The following LYRM4 variants were observed in gnomAD, a reference collection of about 807,000 sequenced individuals.
LYRM4 encodes the protein LYR motif-containing protein 4.
Under a neutral mutation model 11.7 loss-of-function variants are expected in LYRM4, and 9 were observed. The ratio of observed to expected loss-of-function variants is 0.77; its 90% CI spans 0.46 to 1.34. LYRM4 has a LOEUF of 1.34. Ranked by LOEUF, LYRM4 falls within the 40% of genes most tolerant of loss-of-function variation. The pLI is 0.00. For synonymous variants in LYRM4, 42 were observed against 40.4 expected (o/e 1.04, Z -0.15); for missense variants, 133 against 112.5 (o/e 1.18, Z -0.82).
chr6:5,068,482 C>T, the LYRM4 span, among the ~76,000 whole-genome samples: 2 of 152,140 alleles, frequency 1.3e-5, no homozygotes, highest in African/African-American at 2.4e-5. The surrounding 1 kb of genome is among the most constrained non-coding windows in gnomAD (Gnocchi z 4.0). Context: ...TGTGATGGTC[C>T]GGAAGAAAAC....
the LYRM4 span, among the ~76,000 whole-genome samples, chr6:5,052,583 C>A: frequency 6.6e-6 from 1 of 152,120 alleles, no homozygotes; most frequent in Non-Finnish European, 1.5e-5. Context: ...CAGGTGTAAG[C>A]CATCATGTCT....
intron 2 of LYRM4, among the ~76,000 whole-genome samples, chr6:5,117,427 C>T (rs185171007): frequency 9.7e-4 from 147 of 152,064 alleles, no homozygotes; most frequent in African/African-American, 3.2e-3. Context: ...TGATGGTGTG[C>T]GCCTGTAATC....
intron 2 of LYRM4, among the ~76,000 whole-genome samples, chr6:5,114,317 G>A (rs1422616328): frequency 6.6e-6 from 1 of 152,196 alleles, no homozygotes; most frequent in African/African-American, 2.4e-5. Flanking sequence ...AGCTCTGGAC[G>A]CCTTATTGCC....
At chr6:5,122,025 T>A (rs1366694572) in intron 2 of LYRM4, among the ~76,000 whole-genome samples, 1 of 152,194 alleles carries the variant, frequency 6.6e-6, no homozygotes, top group Non-Finnish European at 1.5e-5. Flanking sequence ...GGACACCTTT[T>A]TTCAAAGTCG....
chr6:5,240,257 C>T (rs867629633), intron 1 of LYRM4, among the ~76,000 whole-genome samples: 4 of 152,098 alleles, frequency 2.6e-5, no homozygotes, highest in African/African-American at 9.7e-5. Context: ...CCTTTCTCTT[C>T]ATTTTTTCTG....
At chr6:5,195,817 T>G (rs762963387) in intron 2 of LYRM4, among the ~76,000 whole-genome samples, 1 of 152,122 alleles carries the variant, frequency 6.6e-6, no homozygotes, top group Non-Finnish European at 1.5e-5. Context: ...CTAACACAGA[T>G]TGTAAGCTGC....
chr6:5,100,015 C>G (rs1418683220), downstream of LYRM4, among the ~76,000 whole-genome samples: 1 of 152,184 alleles, frequency 6.6e-6, no homozygotes, highest in Non-Finnish European at 1.5e-5. Context: ...AATGTCTGGA[C>G]CAGAGGCCAG....
chr6:5,123,144 G>T (rs913499676), intron 2 of LYRM4, among the ~76,000 whole-genome samples: 1 of 152,304 alleles, frequency 6.6e-6, no homozygotes, highest in East Asian at 1.9e-4. Context: ...GAAAAACATC[G>T]CCTTGAGCCA....
At chr6:5,174,860 T>G (rs1759630387) in intron 2 of LYRM4, among the ~76,000 whole-genome samples, 2 of 152,288 alleles carry the variant, frequency 1.3e-5, no homozygotes, top group East Asian at 1.9e-4. Context: ...TAAGCAAGGC[T>G]TAACGTCAAA....
At chr6:5,145,743 C>A (rs986457507) in intron 2 of LYRM4, among the ~76,000 whole-genome samples, 1 of 152,272 alleles carries the variant, frequency 6.6e-6, no homozygotes, top group South Asian at 2.1e-4. Context: ...CTTTAATATA[C>A]GCCCACTTCA....
At chr6:5,157,566 A>ACAT (rs1407744442) in intron 2 of LYRM4, among the ~76,000 whole-genome samples, 1 of 152,068 alleles carries the variant, frequency 6.6e-6, no homozygotes, top group Admixed American at 6.5e-5. Context: ...TGCCTTAATG[A>ACAT]CAGAAGGAAT....
chr6:5,191,667 G>A (rs941786913), intron 2 of LYRM4, among the ~76,000 whole-genome samples: 5 of 152,174 alleles, frequency 3.3e-5, no homozygotes, highest in African/African-American at 4.8e-5. Flanking sequence ...AACCACTAAT[G>A]TAACAACTGA....
chr6:5,194,277 A>G (rs1165134649), intron 2 of LYRM4, among the ~76,000 whole-genome samples: 1 of 152,194 alleles, frequency 6.6e-6, no homozygotes, highest in East Asian at 1.9e-4. Context: ...AATCTTGTTG[A>G]AGGATACATA....
At chr6:5,179,958 G>T (rs1236178642) in intron 2 of LYRM4, among the ~76,000 whole-genome samples, 1 of 152,194 alleles carries the variant, frequency 6.6e-6, no homozygotes, top group Non-Finnish European at 1.5e-5. Context: ...AAGTATGGCA[G>T]ATAGAATCTT....
At chr6:5,174,779 A>C (rs563326686) in intron 2 of LYRM4, among the ~76,000 whole-genome samples, 1 of 152,182 alleles carries the variant, frequency 6.6e-6, no homozygotes, top group Non-Finnish European at 1.5e-5. Context: ...CTCTCTTTTG[A>C]ACAGATGTTG....
chr6:5,254,374 G>A lies in LYRM4; in HGVS notation c.86+6274C>T, dbSNP rs112785974. Among the ~76,000 whole-genome samples the A allele has an allele frequency of 4.7e-3, 717 of 152,288 alleles. 2 individuals carry two copies. Among genetic ancestry groups the A allele is most frequent in the African/African-American group, 0.015 (641 of 41,552 alleles). On this transcript the variant is annotated intron_variant, in intron 1 of 2. Transcript: ENST00000330636. ...GCTTTCCAAGAGTTTGTAGAATCCC[G>A]AAGCACGGATTTTTACGCCACAGGA...
intron 1 of LYRM4, among the ~76,000 whole-genome samples, chr6:5,245,336 C>G (rs1764148382): frequency 6.6e-6 from 1 of 151,262 alleles, no homozygotes; most frequent in African/African-American, 2.4e-5. Flanking sequence ...TCACCCAAAT[C>G]CCTTTACTCC....
intron 2 of LYRM4, among the ~76,000 whole-genome samples, chr6:5,198,218 G>GA (rs1761182092): frequency 6.6e-6 from 1 of 152,020 alleles, no homozygotes; most frequent in Non-Finnish European, 1.5e-5. Context: ...AAAGAAAAGA[G>GA]AAAGGGAGGG....
At chr6:5,124,803 G>A (rs987336919) in intron 2 of LYRM4, among the ~76,000 whole-genome samples, 6 of 152,212 alleles carry the variant, frequency 3.9e-5, no homozygotes, top group African/African-American at 1.4e-4. Flanking sequence ...CAGAGATTAT[G>A]AGTTAGCAGA....
Sources: gnomAD v4.1 joint callset for allele counts (sites outside exome capture counted in the v4.1 genomes callset) on GRCh38, gnomAD v4.1.1 for gene constraint, Gnocchi (gnomAD v3.1) non-coding constraint, MANE v1.5 for transcripts, NCBI Gene and HGNC (gene_info 2026-07-23, HGNC 2026-07-21) for gene names.